Variants in FHIT observed in about 807,000 individuals in gnomAD.
The protein encoded by FHIT is fragile histidine triad diadenosine triphosphatase, also known as bis(5'-adenosyl)-triphosphatase.
In FHIT, 19 loss-of-function variants were observed where a neutral mutation model predicts 17.9. The observed-to-expected ratio is 1.06, with a 90% CI of 0.74 to 1.56. FHIT has a LOEUF of 1.56. FHIT is among the 40% of genes most tolerant of loss of function. FHIT has a pLI of 0.00. For missense variants in FHIT, 248 were observed against 189.2 expected (o/e 1.31, Z -1.82); for synonymous variants, 81 against 69.7 (o/e 1.16, Z -0.81).
At chr3:60,611,681 G>C (rs1051836424) in intron 4 of FHIT, among the ~76,000 whole-genome samples, 3 of 152,086 alleles carry the variant, frequency 2.0e-5, no homozygotes, top group Non-Finnish European at 2.9e-5. Context: ...TACTAGACCA[G>C]GTCCAAAAAT....
chr3:60,081,310 TA>T (rs1346414478), intron 5 of FHIT, among the ~76,000 whole-genome samples: 1 of 152,022 alleles, frequency 6.6e-6, no homozygotes, highest in Non-Finnish European at 1.5e-5. Context: ...GACCACTCCC[TA>T]AATCCAAGGG....
chr3:59,822,501 G>C (rs901814827), intron 8 of FHIT, among the ~76,000 whole-genome samples: 1 of 152,032 alleles, frequency 6.6e-6, no homozygotes, highest in Non-Finnish European at 1.5e-5. Flanking sequence ...TCTTGCAGGA[G>C]TAAGGTAGTA....
intron 3 of FHIT, among the ~76,000 whole-genome samples, chr3:61,026,656 T>G (rs984833300): frequency 6.6e-6 from 1 of 151,966 alleles, no homozygotes; most frequent in African/African-American, 2.4e-5. Context: ...ACCTTTTTTT[T>G]GCAATTTTTT....
rs6793646 is a variant in FHIT, at chr3:60,490,251, A to G, written c.103+46609T>C. 2.2e-3 allele frequency among the ~76,000 whole-genome samples: 336 copies of G among 152,174 alleles called. 1 individual carries two copies. The highest frequency in any genetic ancestry group is 7.9e-3 in the African/African-American group (326 of 41,524). On this transcript the variant is annotated intron_variant, in intron 5 of 9. Coordinates refer to ENST00000492590, the MANE Select transcript of FHIT (RefSeq NM_002012.4). Reference sequence around the variant, plus strand: ...GGTGATCATCTAATATTTTCATAACATCTAGTAGAAGGTAGTTAAAAAGAT... The same window carrying G: ...GGTGATCATCTAATATTTTCATAACGTCTAGTAGAAGGTAGTTAAAAAGAT...
intron 3 of FHIT, among the ~76,000 whole-genome samples, chr3:60,914,965 A>C (rs1706927389): frequency 6.6e-6 from 1 of 152,224 alleles, no homozygotes; most frequent in Non-Finnish European, 1.5e-5. Context: ...TGCTGCTTAG[A>C]AGAAACGTAT....
chr3:59,919,214 T>C (rs573702172), intron 8 of FHIT, among the ~76,000 whole-genome samples: 1 of 152,178 alleles, frequency 6.6e-6, no homozygotes, highest in Admixed American at 6.5e-5. Context: ...CAAATGTAGA[T>C]ATCCTCTTGA....
At chr3:60,687,744 A>C (rs1198625629) in intron 4 of FHIT, among the ~76,000 whole-genome samples, 1 of 152,132 alleles carries the variant, frequency 6.6e-6, no homozygotes, top group Non-Finnish European at 1.5e-5. Context: ...AAGATCAATA[A>C]AAGTGTATTA....
At chr3:60,125,623 A>G (rs1705507828) in intron 5 of FHIT, among the ~76,000 whole-genome samples, 1 of 151,540 alleles carries the variant, frequency 6.6e-6, no homozygotes, top group Non-Finnish European at 1.5e-5. Context: ...GTCTCAAAAA[A>G]AAAAAAAAGT....
chr3:61,250,387 C>A (rs559503500), intron 1 of FHIT, among the ~76,000 whole-genome samples: 1 of 152,362 alleles, frequency 6.6e-6, no homozygotes, highest in South Asian at 2.1e-4. Context: ...TGAGTATTTT[C>A]TATTGGTCCC....
In FHIT at chr3:60,815,613, T is replaced by C. The variant is rs570262704; in HGVS notation, c.-18+6306A>G. On this transcript the variant is annotated intron_variant, in intron 4 of 9. Coordinates refer to ENST00000492590, the MANE Select transcript of FHIT (RefSeq NM_002012.4). ...TTCTGTGTCTGTCTTGTACCAGTAC[T>C]ATACTGGTTTGGTTACTGTAGCCTT... is the stretch of plus-strand genomic sequence containing the variant. 3.3e-5 allele frequency among the ~76,000 whole-genome samples: 5 copies of C among 152,226 alleles called. No homozygotes were observed. In the East Asian group the frequency reaches 9.7e-4, roughly 29 times the overall value.
At chr3:60,850,896 G>A (rs374838403) in intron 3 of FHIT, among the ~76,000 whole-genome samples, 9 of 152,070 alleles carry the variant, frequency 5.9e-5, no homozygotes, top group African/African-American at 1.9e-4. Context: ...CTGGTATAAG[G>A]CACACAGCTA....
intron 8 of FHIT, among the ~76,000 whole-genome samples, chr3:59,803,645 G>T (rs1418299523): frequency 2.0e-5 from 3 of 152,188 alleles, no homozygotes; most frequent in Non-Finnish European, 4.4e-5. Context: ...GCTAAGTAAA[G>T]AAGTTCTGGA....
At chr3:60,566,704 A>G (rs1047594027) in intron 4 of FHIT, among the ~76,000 whole-genome samples, 1 of 152,148 alleles carries the variant, frequency 6.6e-6, no homozygotes, top group African/African-American at 2.4e-5. Flanking sequence ...GTATATCTAG[A>G]AAACCCCATT....
intron 5 of FHIT, among the ~76,000 whole-genome samples, chr3:60,426,713 T>C (rs924466242): frequency 6.6e-5 from 10 of 152,132 alleles, no homozygotes; most frequent in African/African-American, 2.2e-4. Context: ...TTCTACTTCC[T>C]AGGCTCTGTC....
chr3:61,110,487 T>C (rs1449378729), intron 2 of FHIT, among the ~76,000 whole-genome samples: 1 of 152,162 alleles, frequency 6.6e-6, no homozygotes, highest in Non-Finnish European at 1.5e-5. Context: ...CTCATGGCAT[T>C]TATCACTTTC....
chr3:60,468,317 T>C (rs1192984642), intron 5 of FHIT, among the ~76,000 whole-genome samples: 1 of 152,096 alleles, frequency 6.6e-6, no homozygotes, highest in African/African-American at 2.4e-5. Flanking sequence ...ATGAATAGGA[T>C]TTACTCCTGC....
intron 5 of FHIT, among the ~76,000 whole-genome samples, chr3:60,521,535 C>T (rs2035367965): frequency 6.6e-6 from 1 of 152,202 alleles, no homozygotes; most frequent in South Asian, 2.1e-4. Flanking sequence ...GCATGAGCCA[C>T]TGTGCCCGGC....
intron 4 of FHIT, among the ~76,000 whole-genome samples, chr3:60,598,038 G>A (rs1224576315): frequency 6.6e-6 from 1 of 152,112 alleles, no homozygotes; most frequent in Admixed American, 6.6e-5. Flanking sequence ...AGGAGGTTTA[G>A]ATCATATTCT....
intron 3 of FHIT, among the ~76,000 whole-genome samples, chr3:60,965,263 C>T (rs1553782813): frequency 6.6e-6 from 1 of 152,144 alleles, no homozygotes; most frequent in Non-Finnish European, 1.5e-5. Flanking sequence ...AGTTCTCATG[C>T]CATGGTTTTC....
Sources: gnomAD v4.1 joint callset for allele counts (sites outside exome capture counted in the v4.1 genomes callset) on GRCh38, gnomAD v4.1.1 for gene constraint, MANE v1.5 for transcripts, NCBI Gene and HGNC (gene_info 2026-07-23, HGNC 2026-07-21) for gene names.